The following C10orf143 variants were observed in gnomAD, a reference collection of about 807,000 sequenced individuals.
The protein encoded by C10orf143 is uncharacterized protein C10orf143.
At chr10:130,081,091 C>G (rs555176322) in intron 1 of C10orf143, among the ~76,000 whole-genome samples, 1 of 152,254 alleles carries the variant, frequency 6.6e-6, no homozygotes, top group Admixed American at 6.5e-5. Flanking sequence ...CCCAACTATA[C>G]AGATGTACTT....
At chr10:130,109,545 C>A (rs1032864702) in intron 1 of C10orf143, among the ~76,000 whole-genome samples, 2 of 152,132 alleles carry the variant, frequency 1.3e-5, no homozygotes, top group African/African-American at 4.8e-5. Flanking sequence ...TACAAAAGCA[C>A]CCTAACCTGC....
intron 1 of C10orf143, among the ~76,000 whole-genome samples, chr10:130,102,893 CGTG>C (rs1861579895): frequency 1.3e-5 from 2 of 151,750 alleles, no homozygotes; most frequent in South Asian, 4.2e-4. Flanking sequence ...TCAGTGTTAG[CGTG>C]ATTTTTTTTG....
At position 130,073,892 on chromosome 10, in the gene C10orf143, T is replaced by C. The variant is rs192487753; in HGVS notation, c.297+5674A>G. On this transcript the variant is annotated intron_variant, in intron 3 of 3. Transcript: ENST00000637128. Reference sequence around the variant, plus strand: ...CTAAATCTGAAGATTTTGTCAGTGGTCTATTCATACCCATCTATTCTGGGA... The same window carrying C: ...CTAAATCTGAAGATTTTGTCAGTGGCCTATTCATACCCATCTATTCTGGGA... Among the ~76,000 whole-genome samples, 10 of 152,286 alleles carry C rather than the reference T, an allele frequency of 6.6e-5. 1 individual carries two copies. Among genetic ancestry groups the C allele is most frequent in the African/African-American group, 2.2e-4 (9 of 41,548 alleles).
chr10:130,079,729 G>C lies in C10orf143; in HGVS notation c.234+8C>G. 1 of 398,644 alleles carries C rather than the reference G, an allele frequency of 2.5e-6. No homozygotes were observed. Among genetic ancestry groups the C allele is most frequent in the Non-Finnish European group, 4.4e-6 (1 of 226,074 alleles). 24.7% of individuals were successfully genotyped at this position (398,644 alleles called of 1,614,324 possible). On this transcript the variant is annotated splice_region_variant and intron_variant, in intron 2 of 3. Transcript: ENST00000637128. ...CTCACAAGTAGTTTGGTGGGAAGAG[G>C]AACATACCCCTGTACTTAGCCTCCC...
At chr10:130,045,746 G>A (rs982751209) in intron 3 of C10orf143, among the ~76,000 whole-genome samples, 1 of 152,224 alleles carries the variant, frequency 6.6e-6, no homozygotes, top group East Asian at 1.9e-4. Context: ...CGCCACGCGG[G>A]CGGGAAAACG....
At chr10:130,046,383 A>G (rs1158721168) in intron 3 of C10orf143, among the ~76,000 whole-genome samples, 1 of 152,000 alleles carries the variant, frequency 6.6e-6, no homozygotes, top group East Asian at 1.9e-4. Flanking sequence ...CAGAAGCGCC[A>G]GTTGCGGGAC....
intron 1 of C10orf143, among the ~76,000 whole-genome samples, chr10:130,089,366 A>G (rs1441778597): frequency 6.6e-6 from 1 of 152,194 alleles, no homozygotes; most frequent in African/African-American, 2.4e-5. Flanking sequence ...TTTATAGAAA[A>G]CTAGTTTAGA....
chr10:130,035,127 G>C lies in C10orf143; in HGVS notation c.410+731C>G, dbSNP rs935067631. Among the ~76,000 whole-genome samples, 15 of 152,178 alleles carry C rather than the reference G, an allele frequency of 9.9e-5. No homozygotes were observed. In the South Asian group the frequency reaches 1.2e-3, roughly 13 times the overall value. ...AACCTGTATTAGGCAGCTCAGGCTG[G>C]GTGGTTTAACCAACAGAAATTTATT... On this transcript the variant is annotated intron_variant and NMD_transcript_variant, in intron 4 of 5. Transcript: ENST00000643056.
intron 3 of C10orf143, among the ~76,000 whole-genome samples, chr10:130,078,028 CA>C (rs1289248095): frequency 9.9e-5 from 15 of 151,852 alleles, no homozygotes; most frequent in Non-Finnish European, 1.5e-5. Context: ...TGAGTATTAA[CA>C]AAAAAATGAT....
downstream of C10orf143, among the ~76,000 whole-genome samples, chr10:130,060,681 G>A (rs567586159): frequency 5.5e-4 from 83 of 151,784 alleles, no homozygotes; most frequent in South Asian, 1.5e-3. Flanking sequence ...AAAATTAGCC[G>A]GGCGTGGTAG....
intron 3 of C10orf143, among the ~76,000 whole-genome samples, chr10:130,073,572 G>A (rs78568222): frequency 6.6e-6 from 1 of 151,432 alleles, no homozygotes; most frequent in African/African-American, 2.4e-5. Flanking sequence ...GGTCCCAACG[G>A]CACTACTTTT....
At chr10:130,051,534 T>C (rs868519068) in intron 3 of C10orf143, among the ~76,000 whole-genome samples, 4 of 31,856 alleles carry the variant, frequency 1.3e-4, no homozygotes, top group Admixed American at 3.2e-4. Context: ...CTCCTACCCC[T>C]GCCTCATTAA....
chr10:130,093,400 GAC>G (rs1425919689), intron 1 of C10orf143, among the ~76,000 whole-genome samples: 1 of 152,176 alleles, frequency 6.6e-6, no homozygotes, highest in African/African-American at 2.4e-5. Flanking sequence ...GAATCTCTGA[GAC>G]ACAGCTAAAG....
intron 1 of C10orf143, chr10:130,106,004 G>T: frequency 2.3e-6 from 1 of 443,980 alleles, no homozygotes; most frequent in Non-Finnish European, 4.4e-6. Flanking sequence ...TGCTTGTTGT[G>T]GCCGGGGTTA....
At chr10:130,037,692 G>A (rs556083415) in intron 3 of C10orf143, among the ~76,000 whole-genome samples, 20 of 152,298 alleles carry the variant, frequency 1.3e-4, no homozygotes, top group Non-Finnish European at 2.4e-4. Context: ...AAATCAATGC[G>A]GGCCTTATTA....
In C10orf143 at chr10:130,097,274, C is replaced by T. The variant is rs886728316; in HGVS notation, c.69+13430G>A. Among the ~76,000 whole-genome samples, 39 of 152,168 alleles carry T rather than the reference C, an allele frequency of 2.6e-4. 1 individual carries two copies. Among genetic ancestry groups the T allele is most frequent in the Admixed American group, 1.4e-3 (22 of 15,292 alleles). On this transcript the variant is annotated intron_variant, in intron 1 of 3. Transcript: ENST00000637128. ...TCAACATCAATACTACAGTGATGGC[C>T]AGGCATGGGCGCTCATGCCTGTAAT...
chr10:130,036,618 C>T (rs1013917420), intron 3 of C10orf143, among the ~76,000 whole-genome samples: 4 of 152,182 alleles, frequency 2.6e-5, no homozygotes, highest in East Asian at 3.9e-4. Flanking sequence ...TTCCTGTAAG[C>T]GTCCTGCGTT....
intron 3 of C10orf143, among the ~76,000 whole-genome samples, chr10:130,077,491 A>G (rs1448986798): frequency 6.6e-6 from 1 of 152,092 alleles, no homozygotes; most frequent in Non-Finnish European, 1.5e-5. Flanking sequence ...CACACAAACT[A>G]CCCCTCACAT....
chr10:130,055,815 G>A (rs762994404), intron 3 of C10orf143, among the ~76,000 whole-genome samples: 3 of 151,800 alleles, frequency 2.0e-5, no homozygotes, highest in Non-Finnish European at 4.4e-5. Flanking sequence ...ATGTGGTGGT[G>A]CGGGCCTGTG....
Sources: gnomAD v4.1 joint callset for allele counts (sites outside exome capture counted in the v4.1 genomes callset) on GRCh38, gnomAD v4.1.1 for gene constraint, MANE v1.5 for transcripts, NCBI Gene and HGNC (gene_info 2026-07-23, HGNC 2026-07-21) for gene names.